Variants in R3HCC1L observed in about 807,000 individuals in gnomAD.
R3HCC1L encodes the protein R3H domain and coiled-coil containing 1 like.
R3HCC1L carries 51 observed loss-of-function variants against 59.9 expected under a neutral mutation model. The observed-to-expected ratio is 0.85, with a 90% CI of 0.68 to 1.07. The LOEUF (loss-of-function observed/expected upper bound fraction) is 1.07, where lower values mean the gene tolerates loss of function less well. Among genes scored for constraint, R3HCC1L ranks in the 50% least tolerant of loss-of-function variants. The pLI is 0.00. For missense variants in R3HCC1L, 965 were observed against 933.0 expected, an observed-to-expected ratio of 1.03 and a Z score of -0.45; for synonymous variants, 322 against 315.2, an observed-to-expected ratio of 1.02 and a Z score of -0.23.
chr10:98,150,618 C>T (rs1180224519), intron 1 of R3HCC1L, among the ~76,000 whole-genome samples: 1 of 152,102 alleles, frequency 6.6e-6, no homozygotes, highest in Non-Finnish European at 1.5e-5. Context: ...CAGTATGCTG[C>T]CCCTCCTGCA....
intron 5 of R3HCC1L, among the ~76,000 whole-genome samples, chr10:98,224,852 A>G (rs1055264345): frequency 2.0e-5 from 3 of 152,350 alleles, no homozygotes; most frequent in Admixed American, 6.5e-5. Flanking sequence ...GGGATTGCCC[A>G]AATACATGTG....
At position 98,209,212 on chromosome 10, in the gene R3HCC1L, G is replaced by T. The variant is rs1346926086; in HGVS notation, c.1098G>T (p.Lys366Asn). 1.2e-6 allele frequency: 2 copies of T among 1,613,660 alleles called. No individual in the cohort carries two copies. The highest frequency in any genetic ancestry group is 1.7e-6 in the Non-Finnish European group (2 of 1,179,998). Residue 366 changes from lysine (K) to asparagine (N), a missense_variant, in exon 5 of 10, where the codon AAG (lysine) becomes AAT (asparagine). Transcript: ENST00000298999. ...AHETHRDSGF[K>N]NVGDITNKAC... ...AAACACATAGAGATAGTGGATTTAA[G>T]AATGTAGGTGACATTACCAATAAAG...
chr10:98,227,106 G>A (rs1461288673), intron 5 of R3HCC1L, among the ~76,000 whole-genome samples: 1 of 152,186 alleles, frequency 6.6e-6, no homozygotes. Flanking sequence ...GCATGTAACA[G>A]ACTTAGCACT....
chr10:98,165,679 G>T (rs886808489), intron 4 of R3HCC1L, among the ~76,000 whole-genome samples: 3 of 152,214 alleles, frequency 2.0e-5, no homozygotes, highest in Non-Finnish European at 1.5e-5. Context: ...TATGAGAATA[G>T]TTATACAAAG....
At chr10:98,203,789 CAG>C (rs1564687937) in intron 4 of R3HCC1L, among the ~76,000 whole-genome samples, 1 of 152,124 alleles carries the variant, frequency 6.6e-6, no homozygotes, top group Non-Finnish European at 1.5e-5. Context: ...TATTTTCTCT[CAG>C]GGAGCCGTGG....
At chr10:98,221,458 C>T (rs1273992087) in intron 5 of R3HCC1L, among the ~76,000 whole-genome samples, 2 of 151,168 alleles carry the variant, frequency 1.3e-5, no homozygotes, top group East Asian at 1.9e-4. Flanking sequence ...CTTGCCCATG[C>T]CTATGTCCTG....
intron 4 of R3HCC1L, among the ~76,000 whole-genome samples, chr10:98,205,292 A>G (rs1030200111): frequency 6.6e-6 from 1 of 152,118 alleles, no homozygotes; most frequent in African/African-American, 2.4e-5. Flanking sequence ...CCAACTCTAT[A>G]TTTGGTGATC....
chr10:98,202,384 G>T (rs1298564328), intron 4 of R3HCC1L, among the ~76,000 whole-genome samples: 2 of 152,240 alleles, frequency 1.3e-5, no homozygotes, highest in African/African-American at 4.8e-5. Context: ...ACAATACTGG[G>T]ACTGGATGAT....
intron 4 of R3HCC1L, among the ~76,000 whole-genome samples, chr10:98,172,575 T>C (rs751593996): frequency 1.1e-4 from 16 of 152,220 alleles, no homozygotes; most frequent in South Asian, 2.1e-4. Flanking sequence ...CCATAGAAGC[T>C]GGCTGATAAT....
chr10:98,227,983 A>T (rs1028681360), intron 5 of R3HCC1L, among the ~76,000 whole-genome samples: 2 of 151,980 alleles, frequency 1.3e-5, no homozygotes, highest in African/African-American at 4.8e-5. Flanking sequence ...GTCTATCATT[A>T]TTGGACATTT....
At chr10:98,146,250 A>G (rs1845643618) in intron 1 of R3HCC1L, among the ~76,000 whole-genome samples, 1 of 152,298 alleles carries the variant, frequency 6.6e-6, no homozygotes, top group South Asian at 2.1e-4. Flanking sequence ...TGGGGGGGAC[A>G]TGTGATAATA....
chr10:98,137,799 C>T (rs978300754), intron 1 of R3HCC1L, among the ~76,000 whole-genome samples: 1 of 152,104 alleles, frequency 6.6e-6, no homozygotes, highest in Non-Finnish European at 1.5e-5. Flanking sequence ...TACATTGTAG[C>T]TTGTAGCAGA....
intron 4 of R3HCC1L, among the ~76,000 whole-genome samples, chr10:98,179,843 A>T (rs544941748): frequency 1.3e-5 from 2 of 152,068 alleles, no homozygotes; most frequent in East Asian, 3.9e-4. Flanking sequence ...TTTCTAGTTT[A>T]TTTGCGTATA....
At chr10:98,159,157 G>A (rs1318768179) in intron 2 of R3HCC1L, among the ~76,000 whole-genome samples, 1 of 152,166 alleles carries the variant, frequency 6.6e-6, no homozygotes, top group African/African-American at 2.4e-5. Context: ...TAGAACATGT[G>A]CAGTTTGGGT....
intron 5 of R3HCC1L, among the ~76,000 whole-genome samples, chr10:98,210,356 TG>T (rs1853426493): frequency 6.6e-6 from 1 of 152,194 alleles, no homozygotes; most frequent in South Asian, 2.1e-4. Flanking sequence ...AAAGTATCAT[TG>T]TTTTTTAAGG....
At position 98,208,263 on chromosome 10, in the gene R3HCC1L, A is replaced by G. The variant is rs1852965146; in HGVS notation, c.149A>G (p.Lys50Arg). 6.2e-7 allele frequency: 1 copy of G among 1,614,056 alleles called. No homozygotes were observed. The highest frequency in any genetic ancestry group is 8.5e-7 in the Non-Finnish European group (1 of 1,180,032). ...CGSPNSVVKEKQKESSLSQKE... is the reference protein window; with the variant it reads ...CGSPNSVVKERQKESSLSQKE... ...TCACCTAACTCTGTGGTGAAAGAAA[A>G]GCAAAAAGAAAGTTCTCTCTCCCAA... Residue 50 changes from lysine to arginine, a missense_variant, in exon 5 of 10, where the codon AAG becomes AGG. Coordinates refer to ENST00000298999, the MANE Select transcript of R3HCC1L (RefSeq NM_001351015.2).
At chr10:98,233,275 C>T (rs570385943) in intron 6 of R3HCC1L, among the ~76,000 whole-genome samples, 29 of 152,212 alleles carry the variant, frequency 1.9e-4, no homozygotes, top group African/African-American at 5.5e-4. Flanking sequence ...ATCTCACCTG[C>T]AGGACCATGT....
intron 5 of R3HCC1L, chr10:98,230,974 C>T (rs192020511): frequency 4.7e-4 from 185 of 393,872 alleles, no homozygotes; most frequent in African/African-American, 3.6e-3. Context: ...ACTTGTACCA[C>T]TTAATTTGTC....
intron 1 of R3HCC1L, among the ~76,000 whole-genome samples, chr10:98,134,910 G>T (rs1844386507): frequency 6.6e-6 from 1 of 152,186 alleles, no homozygotes; most frequent in Non-Finnish European, 1.5e-5. Context: ...GCGGGCCCGC[G>T]GTTGAGAGGG....
Sources: allele counts gnomAD v4.1 joint callset (sites outside exome capture counted in the v4.1 genomes callset), GRCh38; gene constraint gnomAD v4.1.1; transcripts MANE v1.5; gene names NCBI Gene and HGNC (gene_info 2026-07-23, HGNC 2026-07-21).